B4GALT6: variants seen among roughly 807,000 people sequenced by gnomAD.
The protein encoded by B4GALT6 is beta-1,4-galactosyltransferase 6.
In B4GALT6, 14 loss-of-function variants were observed where a neutral mutation model predicts 46.3. The ratio of observed to expected loss-of-function variants is 0.30; its 90% CI spans 0.20 to 0.47. The LOEUF is 0.47. Among genes scored for constraint, B4GALT6 ranks in the 20% least tolerant of loss-of-function variants. The pLI, the probability that B4GALT6 is intolerant of heterozygous loss-of-function variation, is 0.99. For missense variants in B4GALT6, 386 were observed against 480.1 expected (o/e 0.80, Z 1.83); for synonymous variants, 168 against 162.0 (o/e 1.04, Z -0.28).
At chr18:31,688,638 T>A (rs531145092), upstream of B4GALT6, among the ~76,000 whole-genome samples, 104 of 152,198 alleles carry the variant, frequency 6.8e-4, no homozygotes, top group Non-Finnish European at 1.1e-3. Context: ...TTCTTTCACA[T>A]CATGCAAATG....
intron 5 of B4GALT6, among the ~76,000 whole-genome samples, chr18:31,635,803 G>C (rs1217055843): frequency 6.6e-6 from 1 of 152,086 alleles, no homozygotes; most frequent in Non-Finnish European, 1.5e-5. Flanking sequence ...GGGCGACAGA[G>C]GCAGACTCTG....
At chr18:31,627,694 C>T (rs1667269) in intron 6 of B4GALT6, among the ~76,000 whole-genome samples, 102 of 152,276 alleles carry the variant, frequency 6.7e-4, no homozygotes, top group African/African-American at 2.4e-3. Context: ...TTGATATTTA[C>T]AGAAATAACT....
chr18:31,646,444 A>G (rs1189142743), intron 3 of B4GALT6, among the ~76,000 whole-genome samples: 1 of 152,246 alleles, frequency 6.6e-6, no homozygotes, highest in Non-Finnish European at 1.5e-5. Flanking sequence ...CCTTCAAAGC[A>G]ATGCTATCTT....
the B4GALT6 span, among the ~76,000 whole-genome samples, chr18:31,722,511 A>G: frequency 3.3e-5 from 5 of 152,324 alleles, no homozygotes; most frequent in Middle Eastern, 3.4e-3. Context: ...TCACATTACA[A>G]TGAGTCTTCC....
Position 31,657,974 on chromosome 18 carries a change from AC to A in B4GALT6, c.346+1del. On this transcript the variant is annotated splice_donor_variant, in intron 3 of 8. Coordinates refer to ENST00000306851, the MANE Select transcript of B4GALT6 (RefSeq NM_004775.5). LOFTEE classifies it high-confidence loss of function. ...TTAAGTCAAAATTAGATGACGACTT[AC>A]GCATATAAGGCAGCTTTTCTGGACA... 6.2e-7 allele frequency: 1 copy of A among 1,603,452 alleles called. No homozygotes were observed. The highest frequency in any genetic ancestry group is 8.5e-7 in the Non-Finnish European group (1 of 1,171,254).
intron 2 of B4GALT6, 60 bp from the exon 3 acceptor site, chr18:31,658,149 A>C: frequency 8.4e-7 from 1 of 1,191,352 alleles, no homozygotes; most frequent in Non-Finnish European, 1.2e-6. Context: ...TTCTCCCTGG[A>C]ATGAAATACG....
chr18:31,717,026 G>C, the B4GALT6 span, among the ~76,000 whole-genome samples: 28 of 152,056 alleles, frequency 1.8e-4, no homozygotes, highest in African/African-American at 5.8e-4. Flanking sequence ...TTGAATCTGG[G>C]GGTGGGGCGG....
At chr18:31,651,891 C>T (rs2074073605) in intron 3 of B4GALT6, among the ~76,000 whole-genome samples, 1 of 152,180 alleles carries the variant, frequency 6.6e-6, no homozygotes, top group South Asian at 2.1e-4. Context: ...CTGCCTCAGC[C>T]TCCCCAGTAG....
At chr18:31,706,110 T>C in the B4GALT6 span, among the ~76,000 whole-genome samples, 1 of 152,156 alleles carries the variant, frequency 6.6e-6, no homozygotes, top group Non-Finnish European at 1.5e-5. Flanking sequence ...TGTTAGATTT[T>C]AAGTTTCATG....
chr18:31,673,771 C>T (rs2074384654), intron 1 of B4GALT6, among the ~76,000 whole-genome samples: 1 of 152,166 alleles, frequency 6.6e-6, no homozygotes, highest in African/African-American at 2.4e-5. Flanking sequence ...ATTCCCAGAA[C>T]CTGTGAATGT....
intron 3 of B4GALT6, among the ~76,000 whole-genome samples, chr18:31,652,453 G>A (rs531665452): frequency 2.7e-4 from 41 of 152,026 alleles, no homozygotes; most frequent in African/African-American, 8.9e-4. Context: ...GCTTCTCTAG[G>A]TTCCTGTCTC....
the B4GALT6 span, among the ~76,000 whole-genome samples, chr18:31,722,928 T>C: frequency 3.1e-4 from 47 of 152,326 alleles, no homozygotes; most frequent in African/African-American, 1.1e-3. Context: ...ATTATTCACG[T>C]TTATGAGTGT....
upstream of B4GALT6, chr18:31,684,854 C>A: frequency 1.2e-6 from 1 of 817,534 alleles, no homozygotes; most frequent in South Asian, 5.6e-5. Context: ...CGCCCGGCTC[C>A]GCTGCCCGCG....
the B4GALT6 span, among the ~76,000 whole-genome samples, chr18:31,693,716 C>G: frequency 1.3e-5 from 2 of 152,126 alleles, no homozygotes; most frequent in Non-Finnish European, 2.9e-5. Context: ...GCTTGTAATC[C>G]TAGCACTTTG....
At chr18:31,679,556 G>A (rs901249950) in intron 1 of B4GALT6, among the ~76,000 whole-genome samples, 1 of 152,186 alleles carries the variant, frequency 6.6e-6, no homozygotes, top group Non-Finnish European at 1.5e-5. Context: ...GTGATTCCAT[G>A]TTTCAGAGGA....
intron 1 of B4GALT6, among the ~76,000 whole-genome samples, chr18:31,673,618 G>A (rs2074382517): frequency 6.6e-6 from 1 of 152,202 alleles, no homozygotes; most frequent in Non-Finnish European, 1.5e-5. Flanking sequence ...CATTTACTAA[G>A]TGCTGAGTTT....
intron 3 of B4GALT6, among the ~76,000 whole-genome samples, chr18:31,653,476 T>C (rs1474103246): frequency 7.5e-6 from 1 of 133,380 alleles, no homozygotes; most frequent in Non-Finnish European, 1.5e-5. Context: ...AAAGTCTCGC[T>C]CTGTTGCCTG....
At chr18:31,650,186 G>A (rs1165430843) in intron 3 of B4GALT6, among the ~76,000 whole-genome samples, 2 of 152,186 alleles carry the variant, frequency 1.3e-5, no homozygotes, top group African/African-American at 2.4e-5. Context: ...ACTGGCCTCT[G>A]TATAAAGTGG....
At chr18:31,703,782 T>C in the B4GALT6 span, among the ~76,000 whole-genome samples, 1 of 152,190 alleles carries the variant, frequency 6.6e-6, no homozygotes. Context: ...AGGACAAATC[T>C]GTCTCAGGTG....
Sources: gnomAD v4.1 joint callset for allele counts (sites outside exome capture counted in the v4.1 genomes callset) on GRCh38, gnomAD v4.1.1 for gene constraint, MANE v1.5 for transcripts, NCBI Gene and HGNC (gene_info 2026-07-23, HGNC 2026-07-21) for gene names.